The following RBFOX1 variants were observed in gnomAD, a reference collection of about 807,000 sequenced individuals.
The protein encoded by RBFOX1 is RNA binding fox-1 homolog 1.
A neutral mutation model predicts 57.7 loss-of-function variants in RBFOX1; 8 were observed. That is an observed-to-expected ratio of 0.14 (90% CI 0.08 to 0.25). The LOEUF (loss-of-function observed/expected upper bound fraction) is 0.25. RBFOX1 is among the 10% of genes least tolerant of loss of function. RBFOX1 has a pLI of 1.00. For synonymous variants in RBFOX1, 326 were observed against 222.4 expected (o/e 1.47, Z -4.15); for missense variants, 611 against 548.5 (o/e 1.11, Z -1.14).
intron 1 of RBFOX1, among the ~76,000 whole-genome samples, chr16:6,212,535 G>C (rs2152855414): frequency 6.6e-6 from 1 of 152,168 alleles, no homozygotes; most frequent in Admixed American, 6.5e-5. Flanking sequence ...GTGAAACCCT[G>C]TCTCTACTAA....
intron 2 of RBFOX1, among the ~76,000 whole-genome samples, chr16:6,419,190 A>G (rs1284585458): frequency 1.3e-5 from 2 of 152,120 alleles, no homozygotes; most frequent in African/African-American, 4.8e-5. Context: ...GACTTCTTTT[A>G]TAAGACCTAA....
rs186236526 is a variant in RBFOX1 at position 5,454,801 on chromosome 16, T to C, written c.220-12415T>C. Among the ~76,000 whole-genome samples the C allele has an allele frequency of 2.0e-5, 3 of 151,566 alleles. No homozygotes were observed. The East Asian group carries it at 5.8e-4, about 29-fold the overall frequency. Reference sequence around the variant, plus strand: ...TCTTTCTTTCTTTCTCTTTCTTTCTTTCTTTCCCTTTCCTTTCCTTTCTTT... The same window carrying C: ...TCTTTCTTTCTTTCTCTTTCTTTCTCTCTTTCCCTTTCCTTTCCTTTCTTT... On this transcript the variant is annotated intron_variant, in intron 1 of 2. Coordinates refer to the RBFOX1 transcript ENST00000585867.
intron 3 of RBFOX1, among the ~76,000 whole-genome samples, chr16:5,810,815 C>A (rs1331070396): frequency 6.6e-6 from 1 of 152,082 alleles, no homozygotes; most frequent in Non-Finnish European, 1.5e-5. Context: ...AGGAAATCAT[C>A]ACAAAATTCA....
At chr16:7,136,382 A>G (rs2071969144) in intron 4 of RBFOX1, among the ~76,000 whole-genome samples, 1 of 151,526 alleles carries the variant, frequency 6.6e-6, no homozygotes, top group Non-Finnish European at 1.5e-5. Context: ...GTAGAGATAC[A>G]GAACATCTCT....
chr16:6,678,678 A>G (rs1008340572), intron 3 of RBFOX1, among the ~76,000 whole-genome samples: 5 of 151,926 alleles, frequency 3.3e-5, no homozygotes, highest in Non-Finnish European at 5.9e-5. Context: ...GATACACAGA[A>G]CAAATGTAGG....
intron 2 of RBFOX1, among the ~76,000 whole-genome samples, chr16:6,390,497 A>G (rs2092545904): frequency 1.3e-5 from 2 of 152,174 alleles, no homozygotes; most frequent in South Asian, 4.1e-4. Context: ...AAAATAGAGA[A>G]CAAAAAACAG....
At chr16:5,752,833 A>G (rs1322985982) in intron 3 of RBFOX1, among the ~76,000 whole-genome samples, 1 of 152,172 alleles carries the variant, frequency 6.6e-6, no homozygotes, top group Non-Finnish European at 1.5e-5. Flanking sequence ...TTCAAACTAG[A>G]TCAAAAGAAA....
intron 4 of RBFOX1, among the ~76,000 whole-genome samples, chr16:7,195,028 T>C (rs1340589623): frequency 6.7e-6 from 1 of 148,938 alleles, no homozygotes; most frequent in Non-Finnish European, 1.5e-5. Flanking sequence ...ATTAGTTGTT[T>C]ATTGTTCTTC....
At chr16:6,622,239 T>A (rs1057337270) in intron 2 of RBFOX1, among the ~76,000 whole-genome samples, 2 of 152,208 alleles carry the variant, frequency 1.3e-5, no homozygotes, top group African/African-American at 4.8e-5. Context: ...CACCACATAA[T>A]GACGTTTCAG....
chr16:6,323,282 C>T (rs1269195689), intron 2 of RBFOX1, among the ~76,000 whole-genome samples: 1 of 152,122 alleles, frequency 6.6e-6, no homozygotes, highest in African/African-American at 2.4e-5. Flanking sequence ...AGGCAGCACC[C>T]CACTGTCAGC....
intron 3 of RBFOX1, among the ~76,000 whole-genome samples, chr16:6,865,416 A>G (rs1603634080): frequency 6.6e-6 from 1 of 152,254 alleles, no homozygotes; most frequent in Non-Finnish European, 1.5e-5. Context: ...TAATTTTACC[A>G]GTGTTTATCA....
At chr16:7,018,972 A>C (rs1412133872) in intron 3 of RBFOX1, among the ~76,000 whole-genome samples, 2 of 147,172 alleles carry the variant, frequency 1.4e-5, no homozygotes, top group Non-Finnish European at 3.0e-5. Flanking sequence ...ATTAAAAAGC[A>C]ATAAATAAAT....
At chr16:6,396,907 A>G (rs1177560482) in intron 2 of RBFOX1, among the ~76,000 whole-genome samples, 1 of 152,228 alleles carries the variant, frequency 6.6e-6, no homozygotes, top group Non-Finnish European at 1.5e-5. Flanking sequence ...AGAATTACAA[A>G]TAAAATATTT....
At chr16:6,168,260 G>A (rs751077680) in intron 1 of RBFOX1, among the ~76,000 whole-genome samples, 2 of 152,202 alleles carry the variant, frequency 1.3e-5, no homozygotes, top group African/African-American at 2.4e-5. Context: ...AGAAGAAATC[G>A]TGCATGGTGC....
Position 7,567,447 on chromosome 16 carries a change from C to T in RBFOX1, c.271-12330C>T, listed in dbSNP as rs531140167. ...TATGTATGGCCCTATATATATATAT[C>T]CCTATGTATGGCCCTATATATATAT... On this transcript the variant is annotated intron_variant, in intron 5 of 15. Coordinates refer to ENST00000550418, the MANE Select transcript of RBFOX1 (RefSeq NM_018723.4). Among the ~76,000 whole-genome samples the T allele has an allele frequency of 1.2e-3, 144 of 116,934 alleles. 1 individual carries two copies. Among genetic ancestry groups the T allele is most frequent in the Middle Eastern group, 0.01 (1 of 98 alleles). The allele number at this position is 116,934 out of a possible 152,430, so 76.7% of individuals were successfully genotyped here. A position where few individuals can be genotyped will look rare whatever the true frequency, so the allele number is the denominator to read the frequency against.
At chr16:6,557,068 C>G (rs993653608) in intron 2 of RBFOX1, among the ~76,000 whole-genome samples, 1 of 138,906 alleles carries the variant, frequency 7.2e-6, no homozygotes, top group Non-Finnish European at 1.5e-5. Context: ...TATATACATA[C>G]ATATATACAT....
chr16:6,995,831 GATTGGTTCAGATT>G (rs1245620731), intron 3 of RBFOX1, among the ~76,000 whole-genome samples: 6 of 152,134 alleles, frequency 3.9e-5, no homozygotes, highest in Non-Finnish European at 8.8e-5. Flanking sequence ...TTACACTTGA[GATTGGTTCAGATT>G]TTATAACTCA....
At chr16:7,667,204 C>G (rs922203444) in intron 13 of RBFOX1, among the ~76,000 whole-genome samples, 1 of 152,162 alleles carries the variant, frequency 6.6e-6, no homozygotes, top group African/African-American at 2.4e-5. Context: ...GAATATTTTG[C>G]TTTGTCTGAT....
At chr16:6,846,512 T>C (rs1285330170) in intron 3 of RBFOX1, among the ~76,000 whole-genome samples, 4 of 152,034 alleles carry the variant, frequency 2.6e-5, no homozygotes, top group Non-Finnish European at 2.9e-5. Context: ...TGAAACAAAA[T>C]GTGTAACATA....
Sources: allele counts gnomAD v4.1 joint callset (sites outside exome capture counted in the v4.1 genomes callset), GRCh38; gene constraint gnomAD v4.1.1; transcripts MANE v1.5; gene names NCBI Gene and HGNC (gene_info 2026-07-23, HGNC 2026-07-21).